Variants in CAMTA1 observed in about 807,000 individuals in gnomAD.
The protein encoded by CAMTA1 is calmodulin-binding transcription activator 1.
A neutral mutation model predicts 170.9 loss-of-function variants in CAMTA1; 27 were observed. The observed-to-expected ratio is 0.16, with a 90% CI of 0.12 to 0.22. The LOEUF is 0.22. Ranked by LOEUF, CAMTA1 falls within the 10% of genes least tolerant of loss-of-function variation. The pLI, the probability that CAMTA1 is intolerant of heterozygous loss-of-function variation, is 1.00. For missense variants in CAMTA1, 1,619 were observed against 2,217.2 expected (o/e 0.73, Z 5.42); for synonymous variants, 833 against 891.5 (o/e 0.93, Z 1.17).
intron 3 of CAMTA1, among the ~76,000 whole-genome samples, chr1:6,847,853 A>T (rs1169368791): frequency 6.7e-6 from 1 of 148,806 alleles, no homozygotes; most frequent in African/African-American, 2.5e-5. Flanking sequence ...ACAGGCACGC[A>T]TGTGGCACCC....
chr1:7,398,159 CT>C (rs1369363274), intron 5 of CAMTA1, among the ~76,000 whole-genome samples: 4 of 22,014 alleles, frequency 1.8e-4, no homozygotes, highest in Non-Finnish European at 3.6e-4. Context: ...ATATTGCTCT[CT>C]CTCTCTCTCT....
At chr1:6,935,391 A>G (rs996285127) in intron 3 of CAMTA1, among the ~76,000 whole-genome samples, 1 of 151,080 alleles carries the variant, frequency 6.6e-6, no homozygotes, top group African/African-American at 2.4e-5. Flanking sequence ...ACCTGCAGCA[A>G]AAAAAAAATG....
At chr1:7,405,843 GTAAC>G (rs537000441) in intron 5 of CAMTA1, among the ~76,000 whole-genome samples, 177 of 152,342 alleles carry the variant, frequency 1.2e-3, no homozygotes, top group African/African-American at 3.8e-3. Context: ...TGTTGAAAGA[GTAAC>G]TAACTAGGTG....
At chr1:7,757,791 C>T (rs79204895) in intron 22 of CAMTA1, among the ~76,000 whole-genome samples, 4,111 of 152,208 alleles carry the variant, frequency 0.027, 75 homozygotes, top group Non-Finnish European at 0.038. Flanking sequence ...GATTTAAAGG[C>T]TCATTTATTT....
rs906955901 is a variant in CAMTA1 at position 6,805,584 on chromosome 1, C to A, written c.46-14597C>A. Among the ~76,000 whole-genome samples the A allele has an allele frequency of 5.9e-5, 9 of 152,334 alleles. 2 individuals are homozygous for A. The South Asian group carries it at 1.9e-3, about 32-fold the overall frequency. ...GTAGTGATGCAGTCATGTCTCCCTG[C>A]AGTCTTGCCTGCCTGGGCTTAAGCG... is the stretch of plus-strand genomic sequence containing the variant. On this transcript the variant is annotated intron_variant, in intron 1 of 22. Transcript: ENST00000303635.
chr1:7,153,117 G>A (rs1646670724), intron 4 of CAMTA1, among the ~76,000 whole-genome samples: 1 of 152,174 alleles, frequency 6.6e-6, no homozygotes, highest in Admixed American at 6.5e-5. Context: ...TTCTGCCATG[G>A]GAAGCATTGT....
rs368015337 is a variant in CAMTA1 at position 7,589,055 on chromosome 1, G to A, written c.511-51345G>A. On this transcript the variant is annotated intron_variant, in intron 6 of 22. Transcript: ENST00000303635. ...ATTTTAACTGCTTCCATTAGCATTC[G>A]TTTCCTCCGTGAGAAGAGGGCTTAG... Among the ~76,000 whole-genome samples the A allele has an allele frequency of 7.9e-5, 12 of 152,294 alleles. No homozygotes were observed. In the Middle Eastern group the frequency reaches 0.01, roughly 130 times the overall value.
At chr1:7,465,420 T>C (rs563095613) in intron 5 of CAMTA1, among the ~76,000 whole-genome samples, 3 of 152,230 alleles carry the variant, frequency 2.0e-5, no homozygotes, top group African/African-American at 4.8e-5. Flanking sequence ...TCCTTGCCTA[T>C]TGGGGATCTG....
At chr1:7,029,614 C>T (rs2412214) in intron 3 of CAMTA1, among the ~76,000 whole-genome samples, 47,995 of 151,090 alleles carry the variant, frequency 0.32, 8,200 homozygotes, top group African/African-American at 0.45. Flanking sequence ...CTCTCTCTCT[C>T]TTTTTTGCAT....
At chr1:7,312,203 G>A (rs1424340395) in intron 5 of CAMTA1, among the ~76,000 whole-genome samples, 1 of 152,104 alleles carries the variant, frequency 6.6e-6, no homozygotes, top group Non-Finnish European at 1.5e-5. Flanking sequence ...TATTGTGAGA[G>A]AGTTTCCCTT....
At chr1:6,821,970 C>A (rs1646539320) in intron 2 of CAMTA1, among the ~76,000 whole-genome samples, 1 of 152,134 alleles carries the variant, frequency 6.6e-6, no homozygotes. Context: ...AATCATCTGT[C>A]ATTTTCAAGA....
chr1:6,855,124 T>C (rs1303166645), intron 3 of CAMTA1, among the ~76,000 whole-genome samples: 1 of 152,110 alleles, frequency 6.6e-6, no homozygotes, highest in African/African-American at 2.4e-5. Flanking sequence ...TTATAACTTA[T>C]TATAAATAAT....
At chr1:7,030,329 G>C (rs1702609061) in intron 3 of CAMTA1, among the ~76,000 whole-genome samples, 1 of 152,194 alleles carries the variant, frequency 6.6e-6, no homozygotes, top group Non-Finnish European at 1.5e-5. Flanking sequence ...TGTCACAGCA[G>C]TTGTTTTGAA....
intron 3 of CAMTA1, among the ~76,000 whole-genome samples, chr1:6,868,721 A>G (rs1482479153): frequency 6.6e-6 from 1 of 152,250 alleles, no homozygotes; most frequent in African/African-American, 2.4e-5. Context: ...AATGTTGTCC[A>G]GGTAGTTAGA....
intron 11 of CAMTA1, among the ~76,000 whole-genome samples, chr1:7,704,912 CG>C (rs2096491936): frequency 8.0e-6 from 1 of 124,688 alleles, no homozygotes; most frequent in South Asian, 2.6e-4. Context: ...CGCGGCGGCG[CG>C]GGGCTAGGCG....
At chr1:7,571,166 G>T (rs1334717281) in intron 6 of CAMTA1, among the ~76,000 whole-genome samples, 1 of 152,164 alleles carries the variant, frequency 6.6e-6, no homozygotes, top group East Asian at 1.9e-4. Context: ...TGGAAGCAGC[G>T]AGTCCAAGAT....
chr1:7,339,425 G>A (rs2083628625), intron 5 of CAMTA1, among the ~76,000 whole-genome samples: 2 of 152,194 alleles, frequency 1.3e-5, no homozygotes, highest in African/African-American at 4.8e-5. Flanking sequence ...TCAGATGAGT[G>A]TCAGAGAGGA....
chr1:7,459,602 G>A lies in CAMTA1; in HGVS notation c.439-8228G>A, dbSNP rs1021434622. 8.5e-5 allele frequency among the ~76,000 whole-genome samples: 13 copies of A among 152,166 alleles called. 1 individual carries two copies. Among genetic ancestry groups the A allele is most frequent in the South Asian group, 6.2e-4 (3 of 4,836 alleles). ...CACAGCCCTGCCCTTGGACATCAGC[G>A]TAGCACACTCAGGCCCTGCTTCTGC... is the stretch of plus-strand genomic sequence containing the variant. On this transcript the variant is annotated intron_variant, in intron 5 of 22. Transcript: ENST00000303635.
At chr1:7,529,878 G>A (rs964527173) in intron 6 of CAMTA1, among the ~76,000 whole-genome samples, 22 of 152,242 alleles carry the variant, frequency 1.4e-4, no homozygotes, top group African/African-American at 5.3e-4. Flanking sequence ...CAGAAGTGAG[G>A]CTGTCCTGGG....
Sources: gnomAD v4.1 joint callset for allele counts (sites outside exome capture counted in the v4.1 genomes callset) on GRCh38, gnomAD v4.1.1 for gene constraint, MANE v1.5 for transcripts, NCBI Gene and HGNC (gene_info 2026-07-23, HGNC 2026-07-21) for gene names.